MYOM2: variants seen among roughly 807,000 people sequenced by gnomAD.
MYOM2 encodes myomesin-2.
A neutral mutation model predicts 187.6 loss-of-function variants in MYOM2; 254 were observed. The ratio of observed to expected loss-of-function variants is 1.35; its 90% CI spans 1.22 to 1.50. The LOEUF (loss-of-function observed/expected upper bound fraction) is 1.50. Among genes scored for constraint, MYOM2 ranks in the 40% most tolerant of loss-of-function variants. MYOM2 has a pLI of 0.00. For synonymous variants in MYOM2, 981 were observed against 753.8 expected, an observed-to-expected ratio of 1.30 and a Z score of -4.94; for missense variants, 2,796 against 1,924.0, an observed-to-expected ratio of 1.45 and a Z score of -8.48.
Position 2,076,423 on chromosome 8 carries a change from T to C in MYOM2, c.1262+141T>C, listed in dbSNP as rs1043159442. The C allele has an allele frequency of 3.6e-6, 4 of 1,121,642 alleles. No homozygotes were observed. In the African/African-American group the frequency reaches 6.4e-5, roughly 18 times the overall value. The allele number at this position is 1,121,642 out of a possible 1,614,324, so 69.5% of individuals were successfully genotyped here. A position where few individuals can be genotyped will look rare whatever the true frequency, so the allele number is the denominator to read the frequency against. ...CTAGGTACATGGCTAATTGGTTGTA[T>C]AAGTTCCTATTTAGGTAATTGGTAA... On this transcript the variant is annotated intron_variant, in intron 11 of 36. Coordinates refer to ENST00000262113, the MANE Select transcript of MYOM2 (RefSeq NM_003970.4).
chr8:2,131,224 A>G (rs1006862590), intron 32 of MYOM2, among the ~76,000 whole-genome samples: 1 of 152,192 alleles, frequency 6.6e-6, no homozygotes, highest in South Asian at 2.1e-4. Context: ...TTTGTGTTAC[A>G]CGTTCAACAC....
chr8:2,132,255 T>C (rs1797900500), intron 32 of MYOM2, among the ~76,000 whole-genome samples: 1 of 152,004 alleles, frequency 6.6e-6, no homozygotes, highest in African/African-American at 2.4e-5. Context: ...TGTTAATGGG[T>C]GACATGGAAT....
At chr8:2,123,731 C>T (rs1157049274) in intron 30 of MYOM2, 89 bp downstream of exon 30, 2 of 1,103,668 alleles carry the variant, frequency 1.8e-6, no homozygotes, top group East Asian at 4.8e-5. Context: ...TATGTCTAGC[C>T]TCAGCTATAG....
At chr8:2,063,804 T>C (rs1189977819) in intron 6 of MYOM2, among the ~76,000 whole-genome samples, 3 of 152,202 alleles carry the variant, frequency 2.0e-5, no homozygotes, top group Non-Finnish European at 2.9e-5. Flanking sequence ...GGGGTTGTTT[T>C]AGGGGCCTTC....
chr8:2,088,501 T>G (rs1428906978), intron 14 of MYOM2, among the ~76,000 whole-genome samples: 2 of 152,200 alleles, frequency 1.3e-5, no homozygotes, highest in Non-Finnish European at 2.9e-5. Flanking sequence ...TAGCTCCCAC[T>G]TATAAGTGAG....
intron 6 of MYOM2, among the ~76,000 whole-genome samples, chr8:2,061,244 C>T (rs562085442): frequency 7.3e-5 from 11 of 151,542 alleles, no homozygotes; most frequent in African/African-American, 1.9e-4. Flanking sequence ...TCTCTGTCCC[C>T]GTCCAGCCCA....
intron 25 of MYOM2, among the ~76,000 whole-genome samples, chr8:2,109,884 T>C (rs1797012310): frequency 1.3e-5 from 2 of 152,226 alleles, no homozygotes; most frequent in South Asian, 4.1e-4. Flanking sequence ...TTTTTTGCTG[T>C]ATTGTGAGAG....
chr8:2,123,412 T>G (rs370336508), intron 29 of MYOM2, 47 bp downstream of exon 29: 10 of 1,518,194 alleles, frequency 6.6e-6, no homozygotes, highest in South Asian at 5.8e-5. Context: ...AAACGGCACT[T>G]TCAAATAACT....
intron 5 of MYOM2, among the ~76,000 whole-genome samples, chr8:2,058,927 T>C (rs371120193): frequency 6.6e-5 from 10 of 152,256 alleles, no homozygotes; most frequent in African/African-American, 2.2e-4. Context: ...ATCTGCCGAA[T>C]GGGGAATCCC....
intron 23 of MYOM2, among the ~76,000 whole-genome samples, chr8:2,107,823 T>G (rs1385128077): frequency 6.6e-6 from 1 of 152,250 alleles, no homozygotes; most frequent in Non-Finnish European, 1.5e-5. Flanking sequence ...GAAGGACTTC[T>G]GAAAAGCTGT....
intron 19 of MYOM2, 140 bp from the exon 20 acceptor site, chr8:2,100,736 A>C: frequency 1.3e-6 from 1 of 785,648 alleles, no homozygotes. Flanking sequence ...AGAGGCTGAT[A>C]AACATCAGAT....
At chr8:2,105,396 T>C (rs979579711) in intron 21 of MYOM2, among the ~76,000 whole-genome samples, 2 of 152,192 alleles carry the variant, frequency 1.3e-5, no homozygotes, top group African/African-American at 4.8e-5. Context: ...ACGACATAGA[T>C]TCTGCCTTGC....
At position 2,052,206 on chromosome 8, in the gene MYOM2, G is replaced by T; in HGVS notation, c.156G>T (p.Ser52=). 6.2e-7 allele frequency: 1 copy of T among 1,613,174 alleles called. No individual in the cohort carries two copies. The highest frequency in any genetic ancestry group is 8.5e-7 in the Non-Finnish European group (1 of 1,179,682). ...CCCAGAAGTCCTTGAGTCAGCGGTC[G>T]TCTTCACAGAGAGCCTCCAGCCAGA... ...ASSQKSLSQR[S]SSQRASSQTS... is the part of the protein sequence containing the mutation. Residue 52 remains serine, a synonymous_variant, in exon 3 of 37, where the codon TCG becomes TCT. Transcript: ENST00000262113.
In MYOM2 at chr8:2,100,112, CTTT is replaced by C. The variant is rs2116772527; in HGVS notation, c.2441-763_2441-761del. 1.2e-4 allele frequency among the ~76,000 whole-genome samples: 12 copies of C among 99,962 alleles called. No individual in the cohort carries two copies. The South Asian group carries it at 1.6e-3, about 13-fold the overall frequency. 65.6% of individuals were successfully genotyped at this position (99,962 alleles called of 152,430 possible). A position where few individuals can be genotyped will look rare whatever the true frequency, so the allele number is the denominator to read the frequency against. ...TCCTTCCTTCCTTCCTTCCTTCTTT[CTTT>C]CCTTCCTTCCTTCTTTCCTTCCTTC... On this transcript the variant is annotated intron_variant, in intron 19 of 36. Coordinates refer to ENST00000262113, the MANE Select transcript of MYOM2 (RefSeq NM_003970.4).
chr8:2,128,555 A>G (rs935040308), intron 31 of MYOM2, among the ~76,000 whole-genome samples: 3 of 152,162 alleles, frequency 2.0e-5, no homozygotes, highest in African/African-American at 7.2e-5. Context: ...TAGATCATCT[A>G]CCTCAAGCGA....
chr8:2,120,675 T>TATATATATATATATATATATATATATATA (rs1220891042), intron 28 of MYOM2, among the ~76,000 whole-genome samples: 3 of 41,432 alleles, frequency 7.2e-5, no homozygotes, highest in Non-Finnish European at 1.0e-4. Context: ...TATATATATA[T>TATATATATATATATATATATATATATATA]TATATTATAT....
At chr8:2,093,945 T>G in intron 16 of MYOM2, 25 bp from the exon 17 acceptor site, 2 of 1,612,420 alleles carry the variant, frequency 1.2e-6, no homozygotes, top group African/African-American at 1.3e-5. Context: ...CTGGCAGTTC[T>G]GACCCTGATC....
In MYOM2 at chr8:2,119,368, A is replaced by T. The variant is rs3779829; in HGVS notation, c.3453+1416A>T. On this transcript the variant is annotated intron_variant, in intron 28 of 36. Transcript: ENST00000262113. ...CCAGCTCCAGGATTATTAAGCAGAA[A>T]CCCTCAGAGAGTTCAGAGGGAAAGC... 2.6e-5 allele frequency: 4 copies of T among 152,354 alleles called. No homozygotes were observed. In the East Asian group the frequency reaches 7.7e-4, roughly 30 times the overall value. 9.4% of individuals were successfully genotyped at this position (152,354 alleles called of 1,614,324 possible).
chr8:2,083,205 A>G (rs1819689370), intron 13 of MYOM2, among the ~76,000 whole-genome samples: 1 of 152,252 alleles, frequency 6.6e-6, no homozygotes, highest in East Asian at 1.9e-4. Context: ...TCACTGGTTC[A>G]TTTAGTATTG....
Sources: gnomAD v4.1 joint callset for allele counts (sites outside exome capture counted in the v4.1 genomes callset) on GRCh38, gnomAD v4.1.1 for gene constraint, MANE v1.5 for transcripts, NCBI Gene and HGNC (gene_info 2026-07-23, HGNC 2026-07-21) for gene names.